Variants in LRMDA observed in about 807,000 individuals in gnomAD.
The protein encoded by LRMDA is leucine rich melanocyte differentiation associated, also known as leucine-rich melanocyte differentiation-associated protein.
A neutral mutation model predicts 29.8 loss-of-function variants in LRMDA; 18 were observed. The ratio of observed to expected loss-of-function variants is 0.60; its 90% CI spans 0.42 to 0.90. The LOEUF (loss-of-function observed/expected upper bound fraction) is 0.90, where lower values mean the gene tolerates loss of function less well. Ranked by LOEUF, LRMDA falls within the 40% of genes least tolerant of loss-of-function variation. The probability of loss-of-function intolerance (pLI) is 0.00; values close to 1 mark genes in which losing one functional copy is unlikely to be tolerated. For missense variants in LRMDA, 273 were observed against 273.9 expected, an observed-to-expected ratio of 1.00 and a Z score of 0.02; for synonymous variants, 125 against 109.4, an observed-to-expected ratio of 1.14 and a Z score of -0.89.
intron 2 of LRMDA, among the ~76,000 whole-genome samples, chr10:75,893,669 C>G (rs1845533123): frequency 6.6e-6 from 1 of 152,162 alleles, no homozygotes; most frequent in Non-Finnish European, 1.5e-5. Flanking sequence ...GGCATAGTGG[C>G]TCACACCTGT....
Position 75,714,832 on chromosome 10 carries a change from T to C in LRMDA, c.131+276338T>C, listed in dbSNP as rs549338398. On this transcript the variant is annotated intron_variant, in intron 2 of 6. Coordinates refer to ENST00000611255, the MANE Select transcript of LRMDA (RefSeq NM_001305581.2). ...CTTCCTCCTTCTTTCCCTTCCTCCT[T>C]CTTTCCCTCCCTCCCTCCCTCCCTC... 7.6e-5 allele frequency among the ~76,000 whole-genome samples: 11 copies of C among 145,152 alleles called. No homozygotes were observed. In the South Asian group the frequency reaches 1.1e-3, roughly 15 times the overall value.
intron 2 of LRMDA, among the ~76,000 whole-genome samples, chr10:75,555,869 T>C (rs1840207190): frequency 6.6e-6 from 1 of 152,098 alleles, no homozygotes; most frequent in African/African-American, 2.4e-5. Context: ...AGATTGGAAA[T>C]CCCAGCAGAG....
intron 2 of LRMDA, among the ~76,000 whole-genome samples, chr10:75,618,382 C>CTCTCTCTATATA (rs1338091170): frequency 1.3e-5 from 1 of 77,022 alleles, no homozygotes; most frequent in African/African-American, 4.2e-5. Context: ...CTCTCTCTCT[C>CTCTCTCTATATA]TATATATATA....
chr10:76,219,763 G>C (rs1851795697), intron 5 of LRMDA, among the ~76,000 whole-genome samples: 1 of 152,102 alleles, frequency 6.6e-6, no homozygotes, highest in South Asian at 2.1e-4. Flanking sequence ...GCACCAAGTG[G>C]ACCTAATAGA....
chr10:76,359,612 G>A (rs1841286434), intron 6 of LRMDA, among the ~76,000 whole-genome samples: 1 of 152,156 alleles, frequency 6.6e-6, no homozygotes, highest in Non-Finnish European at 1.5e-5. Flanking sequence ...CTATCCTTCA[G>A]TTTGCTCTGA....
chr10:76,269,085 A>G (rs10082467), intron 5 of LRMDA, among the ~76,000 whole-genome samples: 16,952 of 151,986 alleles, frequency 0.11, 1,189 homozygotes, highest in East Asian at 0.34. Context: ...CTTTCTTATG[A>G]TGGGGTTTGC....
chr10:75,705,026 A>C (rs1389579629), intron 2 of LRMDA, among the ~76,000 whole-genome samples: 2 of 152,184 alleles, frequency 1.3e-5, no homozygotes, highest in Non-Finnish European at 2.9e-5. Flanking sequence ...AAGGTGAACT[A>C]TTGGGGGCTG....
chr10:76,397,908 C>T (rs2132492387), intron 6 of LRMDA, among the ~76,000 whole-genome samples: 1 of 152,270 alleles, frequency 6.6e-6, no homozygotes, highest in Non-Finnish European at 1.5e-5. Context: ...AAAAGTATTA[C>T]CAAAAAATAT....
intron 2 of LRMDA, among the ~76,000 whole-genome samples, chr10:75,677,070 G>A (rs145968538): frequency 3.3e-4 from 50 of 152,320 alleles, no homozygotes; most frequent in Middle Eastern, 3.4e-3. Context: ...CAAAAAAAGT[G>A]CTATCTCTGG....
intron 2 of LRMDA, among the ~76,000 whole-genome samples, chr10:75,622,597 A>T (rs890921515): frequency 6.6e-6 from 1 of 152,216 alleles, no homozygotes; most frequent in African/African-American, 2.4e-5. Context: ...ATAAAGATAT[A>T]TAGTGCTGGG....
intron 6 of LRMDA, among the ~76,000 whole-genome samples, chr10:76,528,754 A>G (rs1843204526): frequency 6.6e-6 from 1 of 152,162 alleles, no homozygotes; most frequent in East Asian, 1.9e-4. Flanking sequence ...TAGGCAGTCC[A>G]TAGCTGTTAT....
intron 2 of LRMDA, among the ~76,000 whole-genome samples, chr10:75,548,793 C>G (rs1840109619): frequency 6.6e-6 from 1 of 152,060 alleles, no homozygotes. Flanking sequence ...GTTGTATAGA[C>G]CTATCTGTAA....
At chr10:76,370,129 A>AT (rs1007778595) in intron 6 of LRMDA, among the ~76,000 whole-genome samples, 12 of 150,674 alleles carry the variant, frequency 8.0e-5, no homozygotes, top group Non-Finnish European at 1.5e-4. Flanking sequence ...ATGCCAGCAA[A>AT]AAAAGTAGTA....
chr10:75,607,950 T>C (rs1337376964), intron 2 of LRMDA, among the ~76,000 whole-genome samples: 1 of 148,980 alleles, frequency 6.7e-6, no homozygotes, highest in Non-Finnish European at 1.5e-5. Context: ...CCATTGTCCA[T>C]ATCCTAGCTA....
intron 3 of LRMDA, 116 bp from the exon 4 acceptor site, chr10:76,047,048 C>A (rs1848450710): frequency 2.7e-6 from 3 of 1,120,278 alleles, no homozygotes; most frequent in Non-Finnish European, 3.9e-6. Context: ...TTGATTTCAG[C>A]CCCCACCCTG....
intron 2 of LRMDA, among the ~76,000 whole-genome samples, chr10:75,709,390 G>A (rs1842408915): frequency 6.6e-6 from 1 of 151,872 alleles, no homozygotes; most frequent in East Asian, 1.9e-4. Context: ...ATGTGTGCCT[G>A]TGTGTGTGCA....
intron 6 of LRMDA, among the ~76,000 whole-genome samples, chr10:76,501,898 A>G (rs1328658876): frequency 2.6e-5 from 4 of 151,904 alleles, no homozygotes; most frequent in Admixed American, 6.6e-5. Flanking sequence ...TTTAGTTACA[A>G]TTGCTTTTGG....
chr10:76,150,664 G>A (rs565507749), intron 5 of LRMDA, among the ~76,000 whole-genome samples: 49 of 152,206 alleles, frequency 3.2e-4, no homozygotes, highest in African/African-American at 1.2e-3. Context: ...GCAGTCGATC[G>A]AGCCTTGGGC....
At chr10:75,689,305 A>G (rs1273472556) in intron 2 of LRMDA, among the ~76,000 whole-genome samples, 1 of 152,226 alleles carries the variant, frequency 6.6e-6, no homozygotes, top group East Asian at 1.9e-4. Context: ...GCTCTGCATA[A>G]CTGTTGAAGC....
Sources: gnomAD v4.1 joint callset for allele counts (sites outside exome capture counted in the v4.1 genomes callset) on GRCh38, gnomAD v4.1.1 for gene constraint, MANE v1.5 for transcripts, NCBI Gene and HGNC (gene_info 2026-07-23, HGNC 2026-07-21) for gene names.